DDI2: variants seen among roughly 807,000 people sequenced by gnomAD.
The protein encoded by DDI2 is DDI proteasomal shuttling factor 2, also known as protein DDI1 homolog 2.
In DDI2, 5 loss-of-function variants were observed where a neutral mutation model predicts 48.1. The observed-to-expected ratio is 0.10, with a 90% CI of 0.05 to 0.22. The LOEUF (loss-of-function observed/expected upper bound fraction) is 0.22. Among genes scored for constraint, DDI2 ranks in the 10% least tolerant of loss-of-function variants. The pLI is 1.00. For missense variants in DDI2, 285 were observed against 506.2 expected, an observed-to-expected ratio of 0.56 and a Z score of 4.19; for synonymous variants, 205 against 183.6, an observed-to-expected ratio of 1.12 and a Z score of -0.94.
rs933982525 is a variant in DDI2 at position 15,662,256 on chromosome 1, A to G, written c.*2466A>G. The G allele has an allele frequency of 6.6e-6, 1 of 152,492 alleles. No homozygotes were observed. Among genetic ancestry groups the G allele is most frequent in the African/African-American group, 2.4e-5 (1 of 41,474 alleles). The allele number at this position is 152,492 out of a possible 1,614,324, so 9.4% of individuals were successfully genotyped here. A position where few individuals can be genotyped will look rare whatever the true frequency, so the allele number is the denominator to read the frequency against. On this transcript the variant is annotated 3_prime_UTR_variant, in exon 10 of 10. Transcript: ENST00000480945. The stretch of plus-strand genomic sequence containing the variant: ...CTCTGTGTATCATGATTCATTAATT[A>G]TAACAGGAAATTGGAGAATAATTGA...
chr1:15,635,338 G>A (rs1045300314), intron 4 of DDI2, among the ~76,000 whole-genome samples: 2 of 152,078 alleles, frequency 1.3e-5, no homozygotes, highest in African/African-American at 4.8e-5. Flanking sequence ...GTGAAATAGA[G>A]AGTGTCCATA....
chr1:15,658,618 C>T (rs1444909614), intron 9 of DDI2, among the ~76,000 whole-genome samples: 2 of 151,528 alleles, frequency 1.3e-5, no homozygotes, highest in African/African-American at 2.4e-5. Context: ...CAAAATTAGT[C>T]GGGTGTGTGG....
chr1:15,643,598 A>C lies in DDI2; in HGVS notation c.837A>C (p.Ala279=), dbSNP rs751874366. Residue 279 remains alanine, a synonymous_variant, in exon 6 of 10, where the codon GCA becomes GCC. Coordinates refer to ENST00000480945, the MANE Select transcript of DDI2 (RefSeq NM_032341.5). ...NIMRLVDRRW[A]GIAKGVGTQK... is the part of the protein sequence containing the mutation. ...TGAGACTGGTGGACCGTCGGTGGGC[A>C]GGGATTGCCAAAGGAGTGGGCACCC... 1 of 1,614,178 alleles carries C rather than the reference A, an allele frequency of 6.2e-7. No homozygotes were observed. Among genetic ancestry groups the C allele is most frequent in the East Asian group, 2.2e-5 (1 of 44,892 alleles).
At chr1:15,633,392 G>T in intron 3 of DDI2, 47 bp from the exon 4 acceptor site, 2 of 1,599,060 alleles carry the variant, frequency 1.3e-6, no homozygotes, top group African/African-American at 1.3e-5. Flanking sequence ...ACTGATAAAC[G>T]TTGAAAATAT....
chr1:15,656,764 G>C, intron 9 of DDI2, 85 bp downstream of exon 9: 1 of 1,581,720 alleles, frequency 6.3e-7, no homozygotes, highest in African/African-American at 1.3e-5. Flanking sequence ...TGGGAAGTTA[G>C]CATTTGTCAT....
chr1:15,661,783 T>C lies in DDI2; in HGVS notation c.*1993T>C. 7.2e-6 allele frequency: 11 copies of C among 1,523,586 alleles called. No homozygotes were observed. The highest frequency in any genetic ancestry group is 9.7e-6 in the Non-Finnish European group (11 of 1,136,964). 94.4% of individuals were successfully genotyped at this position (1,523,586 alleles called of 1,614,324 possible). Reference sequence around the variant, plus strand: ...TTTAAACAAAAGAAAGCTCTCTCTATATACACGCACACATACACACTCACC... The same window carrying C: ...TTTAAACAAAAGAAAGCTCTCTCTACATACACGCACACATACACACTCACC... On this transcript the variant is annotated 3_prime_UTR_variant, in exon 10 of 10. Transcript: ENST00000480945.
intron 2 of DDI2, among the ~76,000 whole-genome samples, chr1:15,628,032 A>G (rs1038793604): frequency 1.1e-4 from 16 of 152,220 alleles, no homozygotes; most frequent in Non-Finnish European, 4.4e-5. Context: ...GGTTAATTTG[A>G]TGAGATTATT....
rs142478052 is a variant in DDI2 at position 15,627,261 on chromosome 1, G to A, written c.268+463G>A. ...ATGATCTCATAACTTGGTTGTGGGG[G>A]GATTTACATACTAATTTGCATAATA... On this transcript the variant is annotated intron_variant, in intron 2 of 9. Coordinates refer to ENST00000480945, the MANE Select transcript of DDI2 (RefSeq NM_032341.5). 1.2e-3 allele frequency among the ~76,000 whole-genome samples: 183 copies of A among 152,142 alleles called. 2 individuals carry two copies. The highest frequency in any genetic ancestry group is 0.012 in the East Asian group (62 of 5,180).
Position 15,617,739 on chromosome 1 carries a change from C to G in DDI2, c.69C>G (p.Ala23=). 1.2e-6 allele frequency: 2 copies of G among 1,610,508 alleles called. No individual in the cohort carries two copies. Among genetic ancestry groups the G allele is most frequent in the South Asian group, 2.2e-5 (2 of 90,638 alleles). ...TGACCTTTTCCCTCCAGGTCGACGC[C>G]GACTTCGAGCTGCACAACTTCCGCG... ...SEVTFSLQVD[A]DFELHNFRAL... Residue 23 remains alanine (A), a synonymous_variant, in exon 1 of 10, where the codon GCC becomes GCG. Transcript: ENST00000480945.
intron 6 of DDI2, among the ~76,000 whole-genome samples, chr1:15,644,980 C>T (rs532562266): frequency 1.3e-5 from 2 of 152,184 alleles, no homozygotes; most frequent in African/African-American, 2.4e-5. Flanking sequence ...ACCTCCGCCT[C>T]CCGGGTTCAA....
At chr1:15,618,215 C>T (rs1639596821) in intron 1 of DDI2, among the ~76,000 whole-genome samples, 1 of 150,888 alleles carries the variant, frequency 6.6e-6, no homozygotes, top group Non-Finnish European at 1.5e-5. Context: ...CCAGAAATAC[C>T]AGTTTGGATC....
rs1429548433 is a variant in DDI2 at position 15,663,850 on chromosome 1, T to C, written c.*4060T>C. On this transcript the variant is annotated 3_prime_UTR_variant, in exon 10 of 10. Transcript: ENST00000480945. ...AGACTCCCTCCTAAAGGGCCTTCCA[T>C]GTAAGCAGAACGAACCTTGGCACAC... The C allele has an allele frequency of 6.6e-6, 1 of 152,162 alleles. No individual in the cohort carries two copies. Among genetic ancestry groups the C allele is most frequent in the Non-Finnish European group, 1.5e-5 (1 of 68,022 alleles). 9.4% of individuals were successfully genotyped at this position (152,162 alleles called of 1,614,324 possible).
chr1:15,658,217 T>G (rs1006544160), intron 9 of DDI2, among the ~76,000 whole-genome samples: 7 of 152,062 alleles, frequency 4.6e-5, no homozygotes, highest in African/African-American at 1.7e-4. Flanking sequence ...TGGTGCAGTC[T>G]TGGCTCACTG....
intron 8 of DDI2, among the ~76,000 whole-genome samples, chr1:15,652,348 A>G (rs1640199627): frequency 6.7e-6 from 1 of 149,842 alleles, no homozygotes; most frequent in African/African-American, 2.5e-5. Flanking sequence ...GTGAGCTACC[A>G]TATCCAAACC....
chr1:15,656,073 T>G (rs1424136294), intron 8 of DDI2, among the ~76,000 whole-genome samples: 1 of 152,200 alleles, frequency 6.6e-6, no homozygotes, highest in Non-Finnish European at 1.5e-5. Context: ...ACTCCTGACC[T>G]CAAGGGATTC....
Position 15,649,742 on chromosome 1 carries a change from T to C in DDI2, c.912T>C (p.Asp304=). 6.2e-7 allele frequency: 1 copy of C among 1,613,300 alleles called. No homozygotes were observed. The change falls in exon 7 of 10, where the codon GAT becomes GAC. Residue 304 remains aspartate (D), a synonymous_variant. Coordinates refer to ENST00000480945, the MANE Select transcript of DDI2 (RefSeq NM_032341.5). The part of the protein sequence containing the change: ...VHLAQVQIEG[D]FLPCSFSILE... ...TAGCTCAGGTTCAGATTGAAGGAGA[T>C]TTTTTGCCATGTTCCTTCTCTATAC... is the stretch of plus-strand genomic sequence containing the variant.
chr1:15,624,595 G>A (rs1639722835), intron 1 of DDI2, among the ~76,000 whole-genome samples: 1 of 152,028 alleles, frequency 6.6e-6, no homozygotes, highest in Admixed American at 6.6e-5. Flanking sequence ...AGACTCCTAA[G>A]TAGCTGAGAC....
chr1:15,639,922 C>G (rs1207383490), intron 5 of DDI2, among the ~76,000 whole-genome samples: 1 of 151,846 alleles, frequency 6.6e-6, no homozygotes, highest in Non-Finnish European at 1.5e-5. Context: ...GTGGGAAGAT[C>G]ACCTGAGCCT....
intron 5 of DDI2, among the ~76,000 whole-genome samples, chr1:15,642,826 G>A (rs1640031139): frequency 6.6e-6 from 1 of 152,198 alleles, no homozygotes; most frequent in South Asian, 2.1e-4. Context: ...CCAGCACTTT[G>A]GGAGGCCGAG....
Sources: allele counts gnomAD v4.1 joint callset (sites outside exome capture counted in the v4.1 genomes callset), GRCh38; gene constraint gnomAD v4.1.1; transcripts MANE v1.5; gene names NCBI Gene and HGNC (gene_info 2026-07-23, HGNC 2026-07-21).